PTPRT: variants seen among roughly 807,000 people sequenced by gnomAD.
The protein encoded by PTPRT is protein tyrosine phosphatase receptor type T.
A neutral mutation model predicts 176.8 loss-of-function variants in PTPRT; 56 were observed. The observed-to-expected ratio is 0.32, with a 90% CI of 0.26 to 0.40. PTPRT has a LOEUF of 0.40. Ranked by LOEUF, PTPRT falls within the 10% of genes least tolerant of loss-of-function variation. The pLI is 1.00. For synonymous variants in PTPRT, 783 were observed against 739.0 expected (o/e 1.06, Z -0.96); for missense variants, 1,540 against 1,908.2 (o/e 0.81, Z 3.60).
intron 8 of PTPRT, among the ~76,000 whole-genome samples, chr20:42,454,406 A>ACAGTGTAATGCCAAATTGTTTTCCAAAGT (rs2070885615): frequency 6.6e-6 from 1 of 152,180 alleles, no homozygotes; most frequent in Non-Finnish European, 1.5e-5. Flanking sequence ...CTTTGTTTTT[A>ACAGTGTAATGCCAAATTGTTTTCCAAAGT]CAGTGTAATG....
chr20:43,173,696 G>A (rs1377886878), intron 1 of PTPRT, among the ~76,000 whole-genome samples: 1 of 152,206 alleles, frequency 6.6e-6, no homozygotes, highest in African/African-American at 2.4e-5. Context: ...TCCCCAGTGT[G>A]AAATCAGGGG....
chr20:43,046,960 G>A (rs567499782), intron 1 of PTPRT, among the ~76,000 whole-genome samples: 4 of 152,178 alleles, frequency 2.6e-5, no homozygotes, highest in African/African-American at 4.8e-5. Flanking sequence ...TTCATAGGGC[G>A]GCCAGGAATA....
At chr20:42,178,216 G>A (rs1307697469) in intron 16 of PTPRT, among the ~76,000 whole-genome samples, 5 of 152,122 alleles carry the variant, frequency 3.3e-5, no homozygotes, top group Non-Finnish European at 5.9e-5. Context: ...GATTACAAGC[G>A]AGAGCCACCG....
chr20:43,105,898 G>A (rs2012585279), intron 1 of PTPRT, among the ~76,000 whole-genome samples: 1 of 152,162 alleles, frequency 6.6e-6, no homozygotes, highest in African/African-American at 2.4e-5. Flanking sequence ...GGTTAAGCAA[G>A]TCCACCCTCA....
rs757072641 is a variant in PTPRT at position 42,633,781 on chromosome 20, G to GAAAAAAAAAAAAA, written c.1153+44084_1153+44085insTTTTTTTTTTTTT. On this transcript the variant is annotated intron_variant, in intron 7 of 30. Coordinates refer to ENST00000373187, the MANE Select transcript of PTPRT (RefSeq NM_007050.6). Reference sequence around the variant, plus strand: ...AGCCTGGGCAACACAGCAAGACTCTGAAAATATATATATATATATATATAT... The same window carrying GAAAAAAAAAAAAA: ...AGCCTGGGCAACACAGCAAGACTCTGAAAAAAAAAAAAAAAAATATATATATATATATATATAT... Among the ~76,000 whole-genome samples the GAAAAAAAAAAAAA allele has an allele frequency of 9.1e-5, 3 of 32,854 alleles. 1 individual carries two copies. Among genetic ancestry groups the GAAAAAAAAAAAAA allele is most frequent in the African/African-American group, 5.4e-4 (3 of 5,570 alleles). 21.6% of individuals were successfully genotyped at this position (32,854 alleles called of 152,430 possible).
At chr20:42,546,799 G>T (rs2072682689) in intron 7 of PTPRT, among the ~76,000 whole-genome samples, 1 of 152,136 alleles carries the variant, frequency 6.6e-6, no homozygotes, top group Non-Finnish European at 1.5e-5. Flanking sequence ...CAGGAGAATG[G>T]ATGGTCAGTG....
Position 42,099,582 on chromosome 20 carries a change from T to A in PTPRT, c.3715-1030A>T, listed in dbSNP as rs113139500. ...GGGGTGGGGTGGTCTGGCAGCTTCATCCAGGGCCCTATTTATTTTCTCCCC... is the reference window on the plus strand; with the variant it reads ...GGGGTGGGGTGGTCTGGCAGCTTCAACCAGGGCCCTATTTATTTTCTCCCC... On this transcript the variant is annotated intron_variant, in intron 26 of 30. Coordinates refer to ENST00000373187, the MANE Select transcript of PTPRT (RefSeq NM_007050.6). Among the ~76,000 whole-genome samples, 346 of 128,644 alleles carry A rather than the reference T, an allele frequency of 2.7e-3. 5 individuals are homozygous for A. The highest frequency in any genetic ancestry group is 9.5e-3 in the African/African-American group (335 of 35,150). The allele number at this position is 128,644 out of a possible 152,430, so 84.4% of individuals were successfully genotyped here. A position where few individuals can be genotyped will look rare whatever the true frequency, so the allele number is the denominator to read the frequency against.
intron 1 of PTPRT, among the ~76,000 whole-genome samples, chr20:42,926,602 G>A (rs1359547848): frequency 6.6e-6 from 1 of 152,150 alleles, no homozygotes; most frequent in African/African-American, 2.4e-5. Flanking sequence ...TCCCTGAGCA[G>A]AGAATGCATA....
At chr20:43,033,362 G>A (rs1321109234) in intron 1 of PTPRT, among the ~76,000 whole-genome samples, 1 of 152,132 alleles carries the variant, frequency 6.6e-6, no homozygotes, top group East Asian at 1.9e-4. Flanking sequence ...CTCCTGTTGA[G>A]AGATGGACAG....
At chr20:42,477,062 C>A (rs1365541613) in intron 7 of PTPRT, among the ~76,000 whole-genome samples, 1 of 152,200 alleles carries the variant, frequency 6.6e-6, no homozygotes, top group Non-Finnish European at 1.5e-5. Flanking sequence ...CGACCTCAGT[C>A]CTCAGGTGCA....
At chr20:42,157,367 A>G (rs1989403865) in intron 17 of PTPRT, among the ~76,000 whole-genome samples, 1 of 140,096 alleles carries the variant, frequency 7.1e-6, no homozygotes, top group African/African-American at 2.7e-5. Context: ...TTTTTTGGAG[A>G]TGGAGTCTCA....
intron 2 of PTPRT, among the ~76,000 whole-genome samples, chr20:42,832,165 T>C (rs1251001342): frequency 3.3e-5 from 5 of 152,224 alleles, no homozygotes; most frequent in Non-Finnish European, 7.3e-5. Flanking sequence ...GTGGTACATA[T>C]ACACCATGGA....
intron 1 of PTPRT, among the ~76,000 whole-genome samples, chr20:43,166,819 G>T (rs1191429429): frequency 6.6e-6 from 1 of 152,180 alleles, no homozygotes; most frequent in Non-Finnish European, 1.5e-5. Flanking sequence ...CAACACCGGG[G>T]TTATAAATGA....
At chr20:42,069,165 A>G (rs922502232), downstream of PTPRT, among the ~76,000 whole-genome samples, 1 of 152,224 alleles carries the variant, frequency 6.6e-6, no homozygotes, top group Non-Finnish European at 1.5e-5. Flanking sequence ...CTTGCAGAGA[A>G]CCATGTAGCT....
At chr20:42,206,457 T>C (rs974407050) in intron 15 of PTPRT, among the ~76,000 whole-genome samples, 67 of 152,238 alleles carry the variant, frequency 4.4e-4, no homozygotes, top group African/African-American at 1.2e-3. Context: ...GGGCGAGGCA[T>C]TGCCTCACTT....
intron 4 of PTPRT, among the ~76,000 whole-genome samples, chr20:42,778,270 T>C (rs1319079435): frequency 1.3e-5 from 2 of 152,170 alleles, no homozygotes; most frequent in African/African-American, 2.4e-5. Flanking sequence ...CCATGGTCAG[T>C]GCTTGGAGGT....
chr20:42,266,507 T>C (rs936186715), intron 13 of PTPRT, among the ~76,000 whole-genome samples: 1 of 152,140 alleles, frequency 6.6e-6, no homozygotes, highest in African/African-American at 2.4e-5. Flanking sequence ...TTAATGTTAA[T>C]TAACTGGTCA....
chr20:42,509,861 T>C (rs2071922453), intron 7 of PTPRT, among the ~76,000 whole-genome samples: 1 of 152,058 alleles, frequency 6.6e-6, no homozygotes, highest in Non-Finnish European at 1.5e-5. Flanking sequence ...GGAAGTGTCT[T>C]GGTAATTTTA....
chr20:42,328,354 G>C (rs1308841674), intron 11 of PTPRT, among the ~76,000 whole-genome samples: 1 of 152,096 alleles, frequency 6.6e-6, no homozygotes, highest in Non-Finnish European at 1.5e-5. Flanking sequence ...TCCAGGAATG[G>C]ATAATTCCCA....
Sources: allele counts gnomAD v4.1 joint callset (sites outside exome capture counted in the v4.1 genomes callset), GRCh38; gene constraint gnomAD v4.1.1; transcripts MANE v1.5; gene names NCBI Gene and HGNC (gene_info 2026-07-23, HGNC 2026-07-21).